The following ANK2 variants were observed in gnomAD, a reference collection of about 807,000 sequenced individuals.
ANK2 encodes the protein ankyrin-2.
In ANK2, 83 loss-of-function variants were observed where a neutral mutation model predicts 360.5. The observed-to-expected ratio is 0.23, with a 90% CI of 0.19 to 0.28. The LOEUF (loss-of-function observed/expected upper bound fraction) is 0.28, where lower values mean the gene tolerates loss of function less well. Among genes scored for constraint, ANK2 ranks in the 10% least tolerant of loss-of-function variants. The probability of loss-of-function intolerance (pLI) is 1.00; values close to 1 mark genes in which losing one functional copy is unlikely to be tolerated. For synonymous variants in ANK2, 1,740 were observed against 1,759.5 expected, an observed-to-expected ratio of 0.99 and a Z score of 0.28; for missense variants, 4,201 against 4,795.7, an observed-to-expected ratio of 0.88 and a Z score of 3.66.
chr4:113,187,434 C>G (rs1210400293), intron 2 of ANK2, among the ~76,000 whole-genome samples: 3 of 152,076 alleles, frequency 2.0e-5, no homozygotes, highest in Admixed American at 6.6e-5. Context: ...TCACTTTGGC[C>G]CTTTTTAACA....
At chr4:113,262,300 C>T (rs1041008068) in intron 13 of ANK2, among the ~76,000 whole-genome samples, 1 of 152,128 alleles carries the variant, frequency 6.6e-6, no homozygotes, top group African/African-American at 2.4e-5. Flanking sequence ...GATTATGGCT[C>T]ACTGCAGCCT....
In ANK2 at chr4:113,028,428, T is replaced by C. The variant is rs568582307; in HGVS notation, c.21+123914T>C. Among the ~76,000 whole-genome samples, 534 of 152,316 alleles carry C rather than the reference T, an allele frequency of 3.5e-3. 6 individuals are homozygous for C. Among genetic ancestry groups the C allele is most frequent in the African/African-American group, 0.011 (475 of 41,576 alleles). On this transcript the variant is annotated intron_variant, in intron 2 of 30. Transcript: ENST00000503271. ...AACAAACACACATATTAAGCACCTA[T>C]GTTGTGCCAGGCACTGTGCTAGGCA... is the stretch of plus-strand genomic sequence containing the variant.
intron 1 of ANK2, among the ~76,000 whole-genome samples, chr4:112,835,049 C>T (rs1156511835): frequency 6.6e-6 from 1 of 152,148 alleles, no homozygotes; most frequent in African/African-American, 2.4e-5. Context: ...TCTCAGGAAA[C>T]CCATATTTCT....
the ANK2 span, among the ~76,000 whole-genome samples, chr4:112,747,442 A>G: frequency 6.6e-6 from 1 of 152,356 alleles, no homozygotes; most frequent in African/African-American, 2.4e-5. Flanking sequence ...GAATATTTAC[A>G]TGTGAAAATT....
At chr4:113,214,373 G>C (rs1178298454) in intron 4 of ANK2, 2 of 916,698 alleles carry the variant, frequency 2.2e-6, no homozygotes, top group Non-Finnish European at 3.5e-6. Flanking sequence ...CACGACCATT[G>C]TTCCTTCTTT....
the ANK2 span, among the ~76,000 whole-genome samples, chr4:112,811,437 A>G: frequency 5.3e-5 from 8 of 152,138 alleles, no homozygotes; most frequent in Admixed American, 2.0e-4. Flanking sequence ...ATTATATCCT[A>G]TCATATCAAG....
chr4:113,355,822 G>A lies in ANK2; in HGVS notation c.7204G>A (p.Val2402Ile). Residue 2402 changes from valine (V) to isoleucine (I), a missense_variant, in exon 38 of 46, where the codon GTC (valine) becomes ATC (isoleucine). Physicochemically the swap from Val to Ile is conservative, Grantham distance 29. This residue lies in a region of ANK2 where 2,642 missense variants were observed against 2,714.5 expected (regional missense o/e 0.97). Coordinates refer to ENST00000357077, the MANE Select transcript of ANK2 (RefSeq NM_001148.6). ...DTGTESKPQG[V>I]IRSPQGLELA... Reference sequence around the variant, plus strand: ...AGGAACTGAATCAAAACCTCAGGGAGTCATTAGAAGTCCCCAAGGGTTAGA... The same window carrying A: ...AGGAACTGAATCAAAACCTCAGGGAATCATTAGAAGTCCCCAAGGGTTAGA... The A allele has an allele frequency of 1.9e-6, 3 of 1,614,104 alleles. No homozygotes were observed. The highest frequency in any genetic ancestry group is 2.2e-5 in the East Asian group (1 of 44,866).
chr4:112,809,556 G>A, the ANK2 span, among the ~76,000 whole-genome samples: 9 of 84,826 alleles, frequency 1.1e-4, no homozygotes, highest in East Asian at 3.7e-3. Flanking sequence ...GCAAGACTCC[G>A]TCTAAAAAAA....
chr4:113,007,681 C>T (rs1028201546), intron 2 of ANK2, among the ~76,000 whole-genome samples: 8 of 151,952 alleles, frequency 5.3e-5, no homozygotes, highest in Admixed American at 5.2e-4. Flanking sequence ...AAATTTGTAC[C>T]TTAAACTACA....
intron 23 of ANK2, among the ~76,000 whole-genome samples, chr4:113,308,236 C>A (rs1047916976): frequency 6.6e-6 from 1 of 152,184 alleles, no homozygotes; most frequent in Admixed American, 6.5e-5. Context: ...TTTTCTCCCC[C>A]CTTGGCTTGG....
chr4:113,036,590 T>G (rs113992694), intron 2 of ANK2, among the ~76,000 whole-genome samples: 3 of 151,954 alleles, frequency 2.0e-5, no homozygotes, highest in African/African-American at 7.2e-5. Context: ...TGCAGGAAAT[T>G]TGAAGGAAAT....
chr4:113,136,904 C>A (rs558286536), intron 1 of ANK2, among the ~76,000 whole-genome samples: 2 of 152,060 alleles, frequency 1.3e-5, no homozygotes, highest in East Asian at 3.9e-4. Flanking sequence ...ATTACAGGTG[C>A]GTGCCACCAG....
intron 1 of ANK2, among the ~76,000 whole-genome samples, chr4:113,105,740 G>A (rs62313803): frequency 0.19 from 28,888 of 152,000 alleles, 2,813 homozygotes; most frequent in Non-Finnish European, 0.21. Context: ...TGGTAATTCT[G>A]CCATCATGTT....
chr4:112,770,229 T>C, the ANK2 span, among the ~76,000 whole-genome samples: 1 of 152,180 alleles, frequency 6.6e-6, no homozygotes, highest in African/African-American at 2.4e-5. Context: ...TCCTCATCAG[T>C]TGGTCTCTCC....
chr4:113,204,343 G>A (rs1219838484), intron 4 of ANK2, among the ~76,000 whole-genome samples: 1 of 152,108 alleles, frequency 6.6e-6, no homozygotes, highest in African/African-American at 2.4e-5. Flanking sequence ...TGGAGAATGG[G>A]TATGGTAAAT....
At chr4:113,289,331 A>G (rs1267887436) in intron 20 of ANK2, among the ~76,000 whole-genome samples, 3 of 151,152 alleles carry the variant, frequency 2.0e-5, no homozygotes, top group African/African-American at 7.3e-5. Context: ...CTCTTGCCTC[A>G]GGACTGGCTA....
chr4:112,880,775 G>A (rs1306585483), intron 1 of ANK2: 1 of 152,052 alleles, frequency 6.6e-6, no homozygotes. Flanking sequence ...TAGACCAGGG[G>A]TTGGTAACTT....
Position 113,274,382 on chromosome 4 carries a change from G to A in ANK2, c.1486-70G>A, listed in dbSNP as rs2153687192. On this transcript the variant is annotated intron_variant, in intron 14 of 45. Transcript: ENST00000357077. ...ATTCCAAGAAGACATCATGAAATAT[G>A]TGAGTGAAACATATCACCAGTGAAG... The A allele has an allele frequency of 5.3e-6, 8 of 1,497,276 alleles. No individual in the cohort carries two copies. The Middle Eastern group carries it at 5.2e-4, about 97-fold the overall frequency. The allele number at this position is 1,497,276 out of a possible 1,614,324, so 92.7% of individuals were successfully genotyped here. A position where few individuals can be genotyped will look rare whatever the true frequency, so the allele number is the denominator to read the frequency against.
At chr4:113,311,128 C>T in intron 23 of ANK2, 127 bp from the exon 24 acceptor site, 2 of 1,154,134 alleles carry the variant, frequency 1.7e-6, no homozygotes, top group Non-Finnish European at 2.6e-6. Flanking sequence ...GTTCTGTGTT[C>T]TAGTGTGCAG....
Sources: allele counts gnomAD v4.1 joint callset (sites outside exome capture counted in the v4.1 genomes callset), GRCh38; gene constraint gnomAD v4.1.1; regional missense constraint gnomAD v4.1.1; transcripts MANE v1.5; gene names NCBI Gene and HGNC (gene_info 2026-07-23, HGNC 2026-07-21).